The following KALRN variants were observed in gnomAD, a reference collection of about 807,000 sequenced individuals.
KALRN encodes the protein kalirin RhoGEF kinase.
A neutral mutation model predicts 353.7 loss-of-function variants in KALRN; 70 were observed. That is an observed-to-expected ratio of 0.20 (90% CI 0.16 to 0.24). KALRN has a LOEUF of 0.24. Among genes scored for constraint, KALRN ranks in the 10% least tolerant of loss-of-function variants. The pLI is 1.00. For missense variants in KALRN, 2,791 were observed against 3,756.7 expected, an observed-to-expected ratio of 0.74 and a Z score of 6.72; for synonymous variants, 1,391 against 1,434.8, an observed-to-expected ratio of 0.97 and a Z score of 0.69.
intron 1 of KALRN, chr3:124,096,579 T>C (rs1242155708): frequency 6.6e-6 from 1 of 152,234 alleles, no homozygotes; most frequent in Non-Finnish European, 1.5e-5. Flanking sequence ...TACCAATTTA[T>C]TTTTATCTTT....
chr3:124,392,937 C>A (rs13078330), intron 11 of KALRN, among the ~76,000 whole-genome samples: 69 of 107,930 alleles, frequency 6.4e-4, no homozygotes, highest in Middle Eastern at 5.0e-3. Context: ...TCCCTCCCCC[C>A]TCCCCCCACC....
chr3:124,105,572 G>C (rs562886625), intron 1 of KALRN, among the ~76,000 whole-genome samples: 1 of 152,126 alleles, frequency 6.6e-6, no homozygotes, highest in African/African-American at 2.4e-5. Flanking sequence ...TAATAATTTC[G>C]TGGGAATAGA....
chr3:124,204,027 A>G (rs1173838420), intron 1 of KALRN, among the ~76,000 whole-genome samples: 1 of 152,158 alleles, frequency 6.6e-6, no homozygotes, highest in African/African-American at 2.4e-5. Context: ...GGGTTTTGGT[A>G]TACGCGGAGG....
chr3:124,233,037 G>A (rs1920634), intron 2 of KALRN, among the ~76,000 whole-genome samples: 143,825 of 152,186 alleles, frequency 0.95, 68,514 homozygotes, highest in East Asian at 1. Flanking sequence ...CTCCCCGGCC[G>A]TGATCCTGAA....
chr3:124,159,201 T>G (rs565640384), intron 1 of KALRN, among the ~76,000 whole-genome samples: 57 of 152,324 alleles, frequency 3.7e-4, no homozygotes, highest in African/African-American at 1.4e-3. Context: ...CAGTTCCTCC[T>G]TGAGTACTTG....
At chr3:124,600,118 G>A (rs763081207) in intron 34 of KALRN, among the ~76,000 whole-genome samples, 29 of 152,238 alleles carry the variant, frequency 1.9e-4, no homozygotes, top group Non-Finnish European at 4.0e-4. Context: ...GACCAGCCGC[G>A]GGGAAAGAAG....
chr3:124,447,360 C>T (rs2093874805), intron 21 of KALRN, among the ~76,000 whole-genome samples: 1 of 152,186 alleles, frequency 6.6e-6, no homozygotes, highest in Admixed American at 6.5e-5. Context: ...CATCTGGCCT[C>T]AAACCCGCTC....
chr3:124,147,217 A>G (rs533021963), intron 1 of KALRN, among the ~76,000 whole-genome samples: 1 of 152,160 alleles, frequency 6.6e-6, no homozygotes, highest in Non-Finnish European at 1.5e-5. Context: ...CACCCCATGC[A>G]GCCCCTCCAG....
intron 33 of KALRN, among the ~76,000 whole-genome samples, chr3:124,511,700 C>A (rs1017721238): frequency 6.6e-6 from 1 of 152,194 alleles, no homozygotes. Flanking sequence ...TTTTCCAGTA[C>A]GTGTGTGATC....
intron 19 of KALRN, among the ~76,000 whole-genome samples, chr3:124,443,784 A>T (rs2093744106): frequency 1.3e-5 from 2 of 152,132 alleles, no homozygotes; most frequent in South Asian, 4.2e-4. Context: ...GAGGGGGGAA[A>T]ATAATCCTGA....
chr3:124,280,948 A>G (rs1325217319), intron 5 of KALRN, among the ~76,000 whole-genome samples: 1 of 151,998 alleles, frequency 6.6e-6, no homozygotes, highest in Non-Finnish European at 1.5e-5. Context: ...AAAGCCTCAT[A>G]CTCTTATCTT....
chr3:124,456,418 TTCTC>T (rs1328156194), intron 22 of KALRN, among the ~76,000 whole-genome samples, 188 bp from the exon 23 acceptor site: 1 of 151,810 alleles, frequency 6.6e-6, no homozygotes, highest in Non-Finnish European at 1.5e-5. Context: ...AACATTTTAT[TTCTC>T]TCTTATTTGA....
intron 1 of KALRN, among the ~76,000 whole-genome samples, chr3:124,047,197 A>G (rs547552167): frequency 3.3e-5 from 5 of 152,272 alleles, no homozygotes; most frequent in South Asian, 2.1e-4. Context: ...AAACATGCAA[A>G]TGGATCAACT....
chr3:124,584,546 A>G (rs1875364), intron 34 of KALRN: 631,655 of 1,138,850 alleles, frequency 0.55, 176,999 homozygotes, highest in Non-Finnish European at 0.58. Flanking sequence ...AGGCAGCGTT[A>G]CATGAGGCTC....
At chr3:124,432,888 C>A (rs892021530) in intron 16 of KALRN, among the ~76,000 whole-genome samples, 1 of 152,110 alleles carries the variant, frequency 6.6e-6, no homozygotes, top group Non-Finnish European at 1.5e-5. Flanking sequence ...GAGGGCATGG[C>A]AGAGCAGTTA....
intron 34 of KALRN, among the ~76,000 whole-genome samples, chr3:124,582,163 G>C (rs1252033629): frequency 6.6e-6 from 1 of 152,166 alleles, no homozygotes; most frequent in East Asian, 1.9e-4. Context: ...GGGGATTACA[G>C]ACATGCATCA....
At chr3:124,612,004 T>C (rs1276013245) in intron 34 of KALRN, among the ~76,000 whole-genome samples, 5 of 152,182 alleles carry the variant, frequency 3.3e-5, no homozygotes, top group African/African-American at 1.2e-4. Flanking sequence ...AGGCCCTCTC[T>C]AGCCCATTAG....
At chr3:124,661,042 A>C in intron 44 of KALRN, 69 bp downstream of exon 44, 3 of 1,248,942 alleles carry the variant, frequency 2.4e-6, no homozygotes, top group South Asian at 2.4e-5. Context: ...TAGAGGGGAA[A>C]AGATTGTCTC....
chr3:124,317,525 C>T (rs943172375), intron 6 of KALRN, among the ~76,000 whole-genome samples: 16 of 152,118 alleles, frequency 1.1e-4, no homozygotes, highest in African/African-American at 3.4e-4. Context: ...AGTTCTTGTT[C>T]GGGGAAGCTC....
Sources: allele counts gnomAD v4.1 joint callset (sites outside exome capture counted in the v4.1 genomes callset), GRCh38; gene constraint gnomAD v4.1.1; transcripts MANE v1.5; gene names NCBI Gene and HGNC (gene_info 2026-07-23, HGNC 2026-07-21).